PTPRG: variants seen among roughly 807,000 people sequenced by gnomAD.
The protein encoded by PTPRG is receptor-type tyrosine-protein phosphatase gamma.
PTPRG carries 102 observed loss-of-function variants against 165.3 expected under a neutral mutation model. The observed-to-expected ratio is 0.62, with a 90% confidence interval of 0.53 to 0.73. The LOEUF (loss-of-function observed/expected upper bound fraction) is 0.73. Among genes scored for constraint, PTPRG ranks in the 30% least tolerant of loss-of-function variants. PTPRG has a pLI of 0.00. For missense variants in PTPRG, 1,866 were observed against 1,861.4 expected (o/e 1.00, Z -0.05); for synonymous variants, 675 against 669.5 (o/e 1.01, Z -0.13).
At chr3:61,849,658 C>T (rs957108013) in intron 2 of PTPRG, among the ~76,000 whole-genome samples, 6 of 152,158 alleles carry the variant, frequency 3.9e-5, no homozygotes, top group Non-Finnish European at 8.8e-5. Context: ...TGCACTGAGA[C>T]ATTGTATTTT....
chr3:61,919,399 A>C (rs2039023091), intron 2 of PTPRG, among the ~76,000 whole-genome samples: 1 of 152,242 alleles, frequency 6.6e-6, no homozygotes, highest in Non-Finnish European at 1.5e-5. Flanking sequence ...AAAGCAAATC[A>C]AAATGCAGAC....
chr3:61,945,589 A>G (rs1262499112), intron 2 of PTPRG, among the ~76,000 whole-genome samples: 2 of 142,520 alleles, frequency 1.4e-5, no homozygotes, highest in African/African-American at 5.2e-5. Flanking sequence ...AAAAAAAAAA[A>G]TGGAAAAAAC....
At chr3:61,688,497 GC>G (rs988446705) in intron 1 of PTPRG, among the ~76,000 whole-genome samples, 3 of 152,186 alleles carry the variant, frequency 2.0e-5, no homozygotes, top group African/African-American at 7.2e-5. Flanking sequence ...CAGGTCTCAA[GC>G]TTTGTCGGTG....
intron 1 of PTPRG, among the ~76,000 whole-genome samples, chr3:61,694,025 AAGAG>A (rs770989000): frequency 0.075 from 10,967 of 145,346 alleles, 488 homozygotes; most frequent in East Asian, 0.15. Context: ...AAAAAAAAAA[AAGAG>A]AGAGAGAGAG....
At chr3:62,052,081 T>G (rs1700485820) in intron 4 of PTPRG, among the ~76,000 whole-genome samples, 2 of 152,216 alleles carry the variant, frequency 1.3e-5, no homozygotes, top group Admixed American at 1.3e-4. Context: ...TTATAAATTA[T>G]TAGGACAGTT....
chr3:61,731,397 G>A (rs963294591), intron 1 of PTPRG, among the ~76,000 whole-genome samples: 8 of 143,846 alleles, frequency 5.6e-5, no homozygotes, highest in African/African-American at 2.1e-4. Flanking sequence ...TTGCTAGGCT[G>A]GAGTGCAGTG....
chr3:62,029,064 G>A (rs1363727540), intron 4 of PTPRG, among the ~76,000 whole-genome samples: 1 of 152,156 alleles, frequency 6.6e-6, no homozygotes, highest in Non-Finnish European at 1.5e-5. Context: ...GCCTATACCT[G>A]TGATCCTGTT....
intron 1 of PTPRG, among the ~76,000 whole-genome samples, chr3:61,711,364 T>G (rs1447658482): frequency 6.6e-6 from 1 of 152,248 alleles, no homozygotes; most frequent in Non-Finnish European, 1.5e-5. Context: ...TCTACAATGG[T>G]TGAACTAATT....
At chr3:61,681,833 G>T (rs1703452035) in intron 1 of PTPRG, among the ~76,000 whole-genome samples, 1 of 152,028 alleles carries the variant, frequency 6.6e-6, no homozygotes, top group Non-Finnish European at 1.5e-5. Context: ...AAAGATGTTG[G>T]CTTCATTTTC....
intron 1 of PTPRG, among the ~76,000 whole-genome samples, chr3:61,566,184 T>C (rs1328058451): frequency 6.6e-6 from 1 of 152,242 alleles, no homozygotes; most frequent in African/African-American, 2.4e-5. Flanking sequence ...GGTTGGCTGA[T>C]GTGGGAAAAG....
chr3:62,167,526 C>G (rs532116304), intron 7 of PTPRG, among the ~76,000 whole-genome samples: 2 of 152,168 alleles, frequency 1.3e-5, no homozygotes, highest in African/African-American at 4.8e-5. Flanking sequence ...AATGGTGGCT[C>G]AGGTTAAGCA....
intron 1 of PTPRG, among the ~76,000 whole-genome samples, chr3:61,656,748 G>T (rs1200714398): frequency 6.6e-6 from 1 of 152,146 alleles, no homozygotes; most frequent in Non-Finnish European, 1.5e-5. Context: ...ATTTTCCTTA[G>T]CTTCTTGTTC....
intron 2 of PTPRG, among the ~76,000 whole-genome samples, chr3:61,973,016 G>C (rs1356089548): frequency 6.6e-6 from 1 of 151,952 alleles, no homozygotes; most frequent in Admixed American, 6.6e-5. Context: ...AGGGAGTTAG[G>C]GAGAAAAATT....
At chr3:61,925,269 T>C (rs1488412364) in intron 2 of PTPRG, among the ~76,000 whole-genome samples, 1 of 152,258 alleles carries the variant, frequency 6.6e-6, no homozygotes, top group African/African-American at 2.4e-5. Context: ...CTTTTTCTGC[T>C]TTTTCTCTGT....
At chr3:62,053,678 G>A (rs1700538405) in intron 4 of PTPRG, among the ~76,000 whole-genome samples, 1 of 152,170 alleles carries the variant, frequency 6.6e-6, no homozygotes, top group Admixed American at 6.5e-5. Flanking sequence ...CTGTGGTGTT[G>A]GGGATAAAGA....
At chr3:61,882,385 T>G (rs920707590) in intron 2 of PTPRG, among the ~76,000 whole-genome samples, 4 of 152,186 alleles carry the variant, frequency 2.6e-5, no homozygotes, top group African/African-American at 9.7e-5. Context: ...ACTATACTGT[T>G]CTGAGATGAC....
chr3:61,728,895 A>G (rs2032373288), intron 1 of PTPRG, among the ~76,000 whole-genome samples: 1 of 150,102 alleles, frequency 6.7e-6, no homozygotes, highest in Non-Finnish European at 1.5e-5. Context: ...AAAAAAAAGA[A>G]AGAAAGAAAG....
At chr3:62,276,820 T>TG in intron 24 of PTPRG, 152 bp from the exon 25 acceptor site, 1 of 619,560 alleles carries the variant, frequency 1.6e-6, no homozygotes, top group Non-Finnish European at 2.8e-6. Context: ...CTGCCTCAGC[T>TG]GATAACACTT....
intron 5 of PTPRG, among the ~76,000 whole-genome samples, chr3:62,086,342 A>T (rs954481356): frequency 6.6e-6 from 1 of 151,186 alleles, no homozygotes; most frequent in South Asian, 2.1e-4. Flanking sequence ...CTCTGGAGAG[A>T]GAGAGAGAAG....
Sources: allele counts gnomAD v4.1 joint callset (sites outside exome capture counted in the v4.1 genomes callset), GRCh38; gene constraint gnomAD v4.1.1; transcripts MANE v1.5; gene names NCBI Gene and HGNC (gene_info 2026-07-23, HGNC 2026-07-21).